Variants in SLCO6A1 observed in about 807,000 individuals in gnomAD.
SLCO6A1 encodes cancer/testis antigen 48.
In SLCO6A1, 65 loss-of-function variants were observed where a neutral mutation model predicts 72.7. The observed-to-expected ratio is 0.89, with a 90% CI of 0.73 to 1.10. The LOEUF (loss-of-function observed/expected upper bound fraction) is 1.10, where lower values mean the gene tolerates loss of function less well. Among genes scored for constraint, SLCO6A1 ranks in the 50% least tolerant of loss-of-function variants. SLCO6A1 has a pLI of 0.00. For synonymous variants in SLCO6A1, 314 were observed against 298.2 expected (o/e 1.05, Z -0.55); for missense variants, 874 against 872.6 (o/e 1.00, Z -0.02).
chr5:102,450,176 A>C (rs976517833), intron 6 of SLCO6A1, among the ~76,000 whole-genome samples: 4 of 152,138 alleles, frequency 2.6e-5, no homozygotes, highest in African/African-American at 9.7e-5. Context: ...GGAGCTAGTG[A>C]GGTTGTTTGG....
At chr5:102,414,621 C>T (rs972197114) in intron 8 of SLCO6A1, among the ~76,000 whole-genome samples, 4 of 152,256 alleles carry the variant, frequency 2.6e-5, no homozygotes, top group African/African-American at 7.2e-5. Context: ...AGGCCGGGCA[C>T]GATGGCTCAT....
rs1457778669 is a variant in SLCO6A1 at position 102,388,687 on chromosome 5, C to CA, written c.2017dup (p.Cys673LeufsTer25). On this transcript the variant is annotated frameshift_variant and splice_region_variant. Transcript: ENST00000506729. LOFTEE classifies it high-confidence loss of function. ...TAAGTTTTTTAATAAGTATCACTTACATATTCCTACCAATAAGAAAGCCAT... is the reference window on the plus strand; with the variant it reads ...TAAGTTTTTTAATAAGTATCACTTACAATATTCCTACCAATAAGAAAGCCAT... 3.2e-6 allele frequency: 5 copies of CA among 1,563,366 alleles called. No homozygotes were observed. The highest frequency in any genetic ancestry group is 4.3e-6 in the Non-Finnish European group (5 of 1,154,796).
intron 7 of SLCO6A1, among the ~76,000 whole-genome samples, chr5:102,430,510 G>A (rs1467300531): frequency 6.6e-6 from 1 of 152,028 alleles, no homozygotes; most frequent in Non-Finnish European, 1.5e-5. Flanking sequence ...TAACATGAAG[G>A]GATGTTGAAT....
At chr5:102,488,747 C>A (rs1251098911) in intron 1 of SLCO6A1, among the ~76,000 whole-genome samples, 1 of 152,156 alleles carries the variant, frequency 6.6e-6, no homozygotes, top group East Asian at 1.9e-4. Context: ...TTTGCACTGG[C>A]AACAAGGTCA....
intron 12 of SLCO6A1, among the ~76,000 whole-genome samples, chr5:102,379,969 T>C (rs1249425046): frequency 6.6e-6 from 1 of 151,908 alleles, no homozygotes; most frequent in East Asian, 1.9e-4. Context: ...TTTATTGCTA[T>C]TTGATTTTTT....
At chr5:102,433,318 T>C (rs1341529748) in intron 7 of SLCO6A1, among the ~76,000 whole-genome samples, 1 of 152,208 alleles carries the variant, frequency 6.6e-6, no homozygotes, top group East Asian at 1.9e-4. Context: ...CTAGTGAGGT[T>C]GTTTGAAGGA....
chr5:102,403,576 T>C (rs1414181045), intron 9 of SLCO6A1, among the ~76,000 whole-genome samples: 1 of 152,154 alleles, frequency 6.6e-6, no homozygotes, highest in Non-Finnish European at 1.5e-5. Flanking sequence ...TATATTTCTA[T>C]AATGATGCAT....
chr5:102,456,976 A>G (rs1488109691), intron 6 of SLCO6A1, among the ~76,000 whole-genome samples: 2 of 152,352 alleles, frequency 1.3e-5, no homozygotes, highest in Non-Finnish European at 2.9e-5. Flanking sequence ...ATCTTTGACA[A>G]ACCTGAGAAA....
intron 6 of SLCO6A1, among the ~76,000 whole-genome samples, chr5:102,442,450 T>C (rs1333587363): frequency 6.6e-6 from 1 of 152,194 alleles, no homozygotes; most frequent in African/African-American, 2.4e-5. Context: ...CATGTAATGG[T>C]TTAATACAAC....
At chr5:102,388,634 A>C in intron 12 of SLCO6A1, 54 bp downstream of exon 12, 1 of 1,280,474 alleles carries the variant, frequency 7.8e-7, no homozygotes, top group African/African-American at 1.5e-5. Flanking sequence ...ATTAACAACC[A>C]TAACTTTTAG....
At chr5:102,454,261 G>C (rs1050113411) in intron 6 of SLCO6A1, among the ~76,000 whole-genome samples, 1 of 152,156 alleles carries the variant, frequency 6.6e-6, no homozygotes, top group Non-Finnish European at 1.5e-5. Context: ...CCAAGACATG[G>C]AGGGTAGGGA....
At chr5:102,456,345 A>G (rs1310360861) in intron 6 of SLCO6A1, among the ~76,000 whole-genome samples, 2 of 152,182 alleles carry the variant, frequency 1.3e-5, no homozygotes, top group East Asian at 1.9e-4. Flanking sequence ...ATGATTGTAT[A>G]TCTAGAAAAC....
At chr5:102,444,955 C>A (rs1750029027) in intron 6 of SLCO6A1, among the ~76,000 whole-genome samples, 7 of 152,086 alleles carry the variant, frequency 4.6e-5, no homozygotes, top group Admixed American at 4.6e-4. Context: ...ACTACATTTT[C>A]TTTATCCATT....
chr5:102,444,391 C>G (rs1469750404), intron 6 of SLCO6A1, among the ~76,000 whole-genome samples: 1 of 152,096 alleles, frequency 6.6e-6, no homozygotes, highest in Non-Finnish European at 1.5e-5. Context: ...CAGTAAAAGA[C>G]CTTTCCCTAG....
At chr5:102,418,107 A>T (rs771283867) in intron 8 of SLCO6A1, among the ~76,000 whole-genome samples, 13 of 152,124 alleles carry the variant, frequency 8.5e-5, no homozygotes, top group Non-Finnish European at 1.8e-4. Flanking sequence ...GGACTTTAAA[A>T]ATATTATTCC....
At chr5:102,491,546 G>A (rs930510505) in intron 1 of SLCO6A1, among the ~76,000 whole-genome samples, 1 of 152,244 alleles carries the variant, frequency 6.6e-6, no homozygotes, top group African/African-American at 2.4e-5. Context: ...CAGGGAGGCA[G>A]CTAAGGCCCC....
At chr5:102,482,792 T>C (rs1752275491) in intron 1 of SLCO6A1, among the ~76,000 whole-genome samples, 1 of 152,190 alleles carries the variant, frequency 6.6e-6, no homozygotes, top group South Asian at 2.1e-4. Flanking sequence ...AGCAGGACCA[T>C]GATGACAAAA....
At chr5:102,396,255 C>T (rs1249656083) in intron 10 of SLCO6A1, among the ~76,000 whole-genome samples, 2 of 152,084 alleles carry the variant, frequency 1.3e-5, no homozygotes, top group African/African-American at 2.4e-5. Context: ...CAGCTTTCTA[C>T]ATATGGCTAG....
chr5:102,475,577 T>C (rs769015569), intron 4 of SLCO6A1, 120 bp downstream of exon 4: 1 of 577,734 alleles, frequency 1.7e-6, no homozygotes, highest in Non-Finnish European at 2.9e-6. Flanking sequence ...CATTTGCATA[T>C]ATTTTTTCTA....
Sources: gnomAD v4.1 joint callset for allele counts (sites outside exome capture counted in the v4.1 genomes callset) on GRCh38, gnomAD v4.1.1 for gene constraint, MANE v1.5 for transcripts, NCBI Gene and HGNC (gene_info 2026-07-23, HGNC 2026-07-21) for gene names.